Variants in HNF4G observed in about 807,000 individuals in gnomAD.
HNF4G encodes hepatocyte nuclear factor 4 gamma, also known as hepatocyte nuclear factor 4-gamma.
In HNF4G, 21 loss-of-function variants were observed where a neutral mutation model predicts 50.9. The observed-to-expected ratio is 0.41, with a 90% CI of 0.29 to 0.59. The LOEUF (loss-of-function observed/expected upper bound fraction) is 0.59, where lower values mean the gene tolerates loss of function less well. HNF4G is among the 20% of genes least tolerant of loss of function. The probability of loss-of-function intolerance (pLI) is 0.26; values close to 1 mark genes in which losing one functional copy is unlikely to be tolerated. For synonymous variants in HNF4G, 198 were observed against 185.6 expected, an observed-to-expected ratio of 1.07 and a Z score of -0.54; for missense variants, 527 against 559.4, an observed-to-expected ratio of 0.94 and a Z score of 0.58.
At chr8:75,515,747 C>T (rs1277402229) in intron 2 of HNF4G, among the ~76,000 whole-genome samples, 1 of 150,228 alleles carries the variant, frequency 6.7e-6, no homozygotes, top group South Asian at 2.1e-4. Flanking sequence ...ATAATGACCA[C>T]TGACATTCAT....
rs59538997 is a variant in HNF4G at position 75,500,753 on chromosome 8, G to A, written c.-24+10545G>A. ...GAAAACATTACACTAAGTGAAACAA[G>A]ACACACATGCACACAAAATATTGTA... is the stretch of plus-strand genomic sequence containing the variant. On this transcript the variant is annotated intron_variant, in intron 2 of 10. Transcript: ENST00000354370. 5.8e-3 allele frequency among the ~76,000 whole-genome samples: 881 copies of A among 152,144 alleles called. 50 individuals carry two copies. The East Asian group carries it at 0.14, about 25-fold the overall frequency.
At chr8:75,452,808 C>G (rs915934074) in intron 1 of HNF4G, among the ~76,000 whole-genome samples, 2 of 152,116 alleles carry the variant, frequency 1.3e-5, no homozygotes, top group Non-Finnish European at 2.9e-5. Context: ...ATTTTAAAGC[C>G]TATGCTCTTC....
chr8:75,535,966 C>T (rs895532030), upstream of HNF4G, among the ~76,000 whole-genome samples: 16 of 151,876 alleles, frequency 1.1e-4, no homozygotes, highest in African/African-American at 3.4e-4. Flanking sequence ...AAATATTTCA[C>T]ATGCCAGTTG....
At chr8:75,449,764 C>T (rs1423383732) in intron 1 of HNF4G, among the ~76,000 whole-genome samples, 2 of 152,046 alleles carry the variant, frequency 1.3e-5, no homozygotes, top group African/African-American at 2.4e-5. Context: ...CCCTTGGCCT[C>T]CCAAAGTGCT....
At chr8:75,439,882 G>A (rs1811235637) in intron 1 of HNF4G, among the ~76,000 whole-genome samples, 1 of 151,418 alleles carries the variant, frequency 6.6e-6, no homozygotes, top group African/African-American at 2.4e-5. Context: ...TTTTTTTATA[G>A]CAAGTCTTTC....
chr8:75,561,270 T>G (rs1807304047), intron 9 of HNF4G, among the ~76,000 whole-genome samples: 1 of 152,224 alleles, frequency 6.6e-6, no homozygotes, highest in Admixed American at 6.5e-5. Flanking sequence ...TTTCCTTCGC[T>G]GGGTTCTTGG....
intron 1 of HNF4G, among the ~76,000 whole-genome samples, chr8:75,469,926 A>G (rs887720965): frequency 2.0e-5 from 3 of 152,180 alleles, no homozygotes; most frequent in Non-Finnish European, 4.4e-5. Context: ...TTATAAAAAA[A>G]GAAACCTGAG....
chr8:75,478,871 G>A (rs555288019), intron 1 of HNF4G, among the ~76,000 whole-genome samples: 1 of 152,060 alleles, frequency 6.6e-6, no homozygotes, highest in Non-Finnish European at 1.5e-5. Flanking sequence ...TTGCAGGCAC[G>A]TGCCACCACG....
chr8:75,529,643 T>C (rs2130763516), intron 2 of HNF4G, among the ~76,000 whole-genome samples: 1 of 152,180 alleles, frequency 6.6e-6, no homozygotes, highest in Admixed American at 6.5e-5. Context: ...ATGAAATTAA[T>C]TACATAACTA....
intron 1 of HNF4G, among the ~76,000 whole-genome samples, chr8:75,479,358 A>G (rs1019488773): frequency 7.9e-5 from 12 of 152,198 alleles, no homozygotes; most frequent in African/African-American, 2.7e-4. Flanking sequence ...ATTTTCAAAT[A>G]CAGGTTGTAT....
chr8:75,454,572 A>G (rs948301803), intron 1 of HNF4G, among the ~76,000 whole-genome samples: 9 of 152,138 alleles, frequency 5.9e-5, no homozygotes, highest in Non-Finnish European at 1.3e-4. Context: ...AAGTTTCCAG[A>G]AGACACAGAG....
At chr8:75,474,662 A>T (rs1047990101) in intron 1 of HNF4G, among the ~76,000 whole-genome samples, 9 of 152,084 alleles carry the variant, frequency 5.9e-5, no homozygotes, top group East Asian at 3.9e-4. Context: ...GAATAATAAT[A>T]ATTATTATTT....
At chr8:75,534,362 AG>A (rs534274398) in intron 2 of HNF4G, among the ~76,000 whole-genome samples, 38 of 152,004 alleles carry the variant, frequency 2.5e-4, no homozygotes, top group African/African-American at 8.4e-4. Context: ...TTGAATCATA[AG>A]GCAGCTGACC....
At chr8:75,450,213 A>T (rs1315867001) in intron 1 of HNF4G, among the ~76,000 whole-genome samples, 1 of 152,194 alleles carries the variant, frequency 6.6e-6, no homozygotes, top group African/African-American at 2.4e-5. Context: ...AATAATATTC[A>T]ATTGTGTATG....
chr8:75,516,016 G>A (rs928950841), intron 2 of HNF4G, among the ~76,000 whole-genome samples: 10 of 151,972 alleles, frequency 6.6e-5, no homozygotes, highest in African/African-American at 1.7e-4. Flanking sequence ...TGCCTGCCTC[G>A]GCCTCCCAAA....
chr8:75,537,130 G>A (rs564633011), upstream of HNF4G, among the ~76,000 whole-genome samples: 90 of 152,144 alleles, frequency 5.9e-4, no homozygotes, highest in African/African-American at 2.0e-3. Flanking sequence ...GAGTCATTTG[G>A]ATTTGTTACC....
intron 2 of HNF4G, among the ~76,000 whole-genome samples, chr8:75,526,695 A>G (rs541604781): frequency 3.4e-4 from 51 of 150,750 alleles, no homozygotes; most frequent in Admixed American, 6.6e-4. Flanking sequence ...ACCACACAAG[A>G]CTAATTAAAA....
chr8:75,480,713 T>C (rs1812354730), intron 1 of HNF4G, among the ~76,000 whole-genome samples: 1 of 96,214 alleles, frequency 1.0e-5, no homozygotes, highest in Non-Finnish European at 2.2e-5. Context: ...TTCTTTTTCT[T>C]TTTCTTTCTT....
chr8:75,461,392 T>C (rs1270405762), intron 1 of HNF4G, among the ~76,000 whole-genome samples: 1 of 152,214 alleles, frequency 6.6e-6, no homozygotes, highest in Non-Finnish European at 1.5e-5. Context: ...GCTTCTGCTA[T>C]TACATCTCCT....
Sources: gnomAD v4.1 joint callset for allele counts (sites outside exome capture counted in the v4.1 genomes callset) on GRCh38, gnomAD v4.1.1 for gene constraint, MANE v1.5 for transcripts, NCBI Gene and HGNC (gene_info 2026-07-23, HGNC 2026-07-21) for gene names.